The following ADAMTS9 variants were observed in gnomAD, a reference collection of about 807,000 sequenced individuals.
The protein encoded by ADAMTS9 is ADAM metallopeptidase with thrombospondin type 1 motif 9.
A neutral mutation model predicts 257.1 loss-of-function variants in ADAMTS9; 107 were observed. The observed-to-expected ratio is 0.42, with a 90% CI of 0.36 to 0.49. The LOEUF (loss-of-function observed/expected upper bound fraction) is 0.49. Among genes scored for constraint, ADAMTS9 ranks in the 20% least tolerant of loss-of-function variants. The probability of loss-of-function intolerance (pLI) is 0.03; values close to 1 mark genes in which losing one functional copy is unlikely to be tolerated. For synonymous variants in ADAMTS9, 982 were observed against 880.9 expected, an observed-to-expected ratio of 1.11 and a Z score of -2.03; for missense variants, 2,353 against 2,469.1, an observed-to-expected ratio of 0.95 and a Z score of 1.00.
intron 3 of ADAMTS9, among the ~76,000 whole-genome samples, chr3:64,671,184 C>A (rs1215510448): frequency 6.6e-6 from 1 of 152,130 alleles, no homozygotes; most frequent in Admixed American, 6.5e-5. Flanking sequence ...CAGTGGAATA[C>A]AGCTCACCAA....
intron 30 of ADAMTS9, among the ~76,000 whole-genome samples, chr3:64,555,251 C>T (rs911199776): frequency 2.6e-5 from 4 of 152,164 alleles, no homozygotes; most frequent in African/African-American, 9.7e-5. Flanking sequence ...CTTTAAAGCT[C>T]ATTTTAAAGT....
intron 26 of ADAMTS9, among the ~76,000 whole-genome samples, chr3:64,600,069 T>A: frequency 1.4e-5 from 2 of 145,178 alleles, no homozygotes; most frequent in East Asian, 3.9e-4. Context: ...TTTTTTTTTT[T>A]TTGCAAAACT....
rs1700523626 is a variant in ADAMTS9, at chr3:64,637,232, A to G, written c.1857-3353T>C. On this transcript the variant is annotated intron_variant, in intron 12 of 39. Coordinates refer to ENST00000498707, the MANE Select transcript of ADAMTS9 (RefSeq NM_182920.2). ...CTTCAGCCAACCAAACTCATCTTTC[A>G]GCATGGAAAAAAATCATTTTATAAT... Among the ~76,000 whole-genome samples, 3 of 152,368 alleles carry G rather than the reference A, an allele frequency of 2.0e-5. No homozygotes were observed. The South Asian group carries it at 6.2e-4, about 32-fold the overall frequency.
chr3:64,643,445 A>AT (rs57471985), intron 11 of ADAMTS9, among the ~76,000 whole-genome samples: 1,720 of 61,276 alleles, frequency 0.028, 178 homozygotes, highest in African/African-American at 0.072. Flanking sequence ...TTACTCAATA[A>AT]TTTTTTTTTT....
chr3:64,572,895 T>G (rs1057495001), intron 28 of ADAMTS9, among the ~76,000 whole-genome samples: 11 of 151,836 alleles, frequency 7.2e-5, no homozygotes, highest in Non-Finnish European at 1.5e-5. Context: ...CTAGCCAACA[T>G]GGTGAAACCC....
Position 64,516,984 on chromosome 3 carries a change from T to C in ADAMTS9, c.*143A>G, listed in dbSNP as rs996638756. On this transcript the variant is annotated 3_prime_UTR_variant, in exon 40 of 40. Transcript: ENST00000498707. ...ATGTATGTGTAGATATGTATATATG[T>C]ATATGTACACACATTTACACACACA... is the stretch of plus-strand genomic sequence containing the variant. 2 of 152,310 alleles carry C rather than the reference T, an allele frequency of 1.3e-5. No individual in the cohort carries two copies. The highest frequency in any genetic ancestry group is 6.6e-5 in the Admixed American group (1 of 15,256). 9.4% of individuals were successfully genotyped at this position (152,310 alleles called of 1,614,324 possible). A position where few individuals can be genotyped will look rare whatever the true frequency, so the allele number is the denominator to read the frequency against.
At chr3:64,525,620 A>AT (rs1484281010) in intron 38 of ADAMTS9, among the ~76,000 whole-genome samples, 1 of 151,946 alleles carries the variant, frequency 6.6e-6, no homozygotes, top group African/African-American at 2.4e-5. Flanking sequence ...TTTTATTTTT[A>AT]TTTTTTTGAG....
At position 64,541,982 on chromosome 3, in the gene ADAMTS9, A is replaced by G; in HGVS notation, c.5065-12T>C. 2 of 1,613,864 alleles carry G rather than the reference A, an allele frequency of 1.2e-6. No homozygotes were observed. The highest frequency in any genetic ancestry group is 1.7e-6 in the Non-Finnish European group (2 of 1,179,874). ...CAAGACACTGAGCACTGTAAGACAA[A>G]TGAGAGTCAGCGGTGTGGCTATGGA... On this transcript the variant is annotated splice_polypyrimidine_tract_variant and intron_variant, in intron 32 of 39. Transcript: ENST00000498707.
At chr3:64,536,265 C>G (rs1488555423) in intron 37 of ADAMTS9, among the ~76,000 whole-genome samples, 1 of 152,202 alleles carries the variant, frequency 6.6e-6, no homozygotes, top group Non-Finnish European at 1.5e-5. Context: ...TGTTAGCACT[C>G]TGAAAGTTGA....
intron 21 of ADAMTS9, among the ~76,000 whole-genome samples, chr3:64,614,369 C>T (rs2084721855): frequency 6.6e-6 from 1 of 152,182 alleles, no homozygotes; most frequent in African/African-American, 2.4e-5. Flanking sequence ...AGGAATCAGA[C>T]ACTGTTAATC....
At chr3:64,555,046 T>C (rs1419091001) in intron 30 of ADAMTS9, among the ~76,000 whole-genome samples, 2 of 152,170 alleles carry the variant, frequency 1.3e-5, no homozygotes, top group Non-Finnish European at 2.9e-5. Flanking sequence ...GGCTCTACCT[T>C]TTAAGGTTGT....
intron 28 of ADAMTS9, among the ~76,000 whole-genome samples, chr3:64,578,549 A>G (rs2083915682): frequency 6.6e-6 from 1 of 152,148 alleles, no homozygotes; most frequent in Non-Finnish European, 1.5e-5. Flanking sequence ...GACTGGAAAT[A>G]TCTTTCTTTG....
Position 64,637,431 on chromosome 3 carries a change from T to C in ADAMTS9, c.1857-3552A>G, listed in dbSNP as rs142897862. Among the ~76,000 whole-genome samples the C allele has an allele frequency of 5.9e-5, 9 of 152,346 alleles. No individual in the cohort carries two copies. In the East Asian group the frequency reaches 1.7e-3, roughly 29 times the overall value. On this transcript the variant is annotated intron_variant, in intron 12 of 39. Transcript: ENST00000498707. ...AAGGAAATTGCTAGAGTAATTACTA[T>C]TCTGCACAGCCAAATTGGATCTTTC...
At chr3:64,613,650 G>A (rs894599536) in intron 21 of ADAMTS9, 141 bp from the exon 22 acceptor site, 23 of 778,814 alleles carry the variant, frequency 3.0e-5, no homozygotes, top group Non-Finnish European at 4.4e-5. Flanking sequence ...AATATACTAA[G>A]CCTCATTTTT....
At chr3:64,617,346 C>T (rs1017908424) in intron 19 of ADAMTS9, among the ~76,000 whole-genome samples, 1 of 152,188 alleles carries the variant, frequency 6.6e-6, no homozygotes, top group African/African-American at 2.4e-5. Flanking sequence ...CACAAGAAAA[C>T]ATGCCAGCAG....
chr3:64,522,022 C>G, intron 39 of ADAMTS9, 144 bp downstream of exon 39: 1 of 637,598 alleles, frequency 1.6e-6, no homozygotes, highest in East Asian at 2.9e-5. Context: ...GACAGAGGAG[C>G]AGGAGATAAA....
chr3:64,599,422 T>C (rs1462524354), intron 26 of ADAMTS9, among the ~76,000 whole-genome samples: 2 of 152,196 alleles, frequency 1.3e-5, no homozygotes, highest in Admixed American at 6.5e-5. Flanking sequence ...ATGGACAAAA[T>C]AAAGGAGAAT....
chr3:64,616,754 T>C (rs1218813031), intron 19 of ADAMTS9, among the ~76,000 whole-genome samples: 1 of 152,174 alleles, frequency 6.6e-6, no homozygotes, highest in Non-Finnish European at 1.5e-5. Flanking sequence ...TTAAACTAAA[T>C]AGAATATTCT....
chr3:64,614,168 T>A (rs1182902546), intron 21 of ADAMTS9, among the ~76,000 whole-genome samples: 2 of 152,254 alleles, frequency 1.3e-5, no homozygotes, highest in African/African-American at 4.8e-5. Flanking sequence ...CAGTTTGATC[T>A]CCCAACCCCC....
Sources: allele counts gnomAD v4.1 joint callset (sites outside exome capture counted in the v4.1 genomes callset), GRCh38; gene constraint gnomAD v4.1.1; transcripts MANE v1.5; gene names NCBI Gene and HGNC (gene_info 2026-07-23, HGNC 2026-07-21).